The following TRERF1 variants were observed in gnomAD, a reference collection of about 807,000 sequenced individuals.
TRERF1 encodes transcriptional regulating factor 1, also known as transcriptional-regulating factor 1.
In TRERF1, 27 loss-of-function variants were observed where a neutral mutation model predicts 122.9. The ratio of observed to expected loss-of-function variants is 0.22; its 90% CI spans 0.16 to 0.30. The LOEUF is 0.30. TRERF1 is among the 10% of genes least tolerant of loss of function. TRERF1 has a pLI of 1.00. For synonymous variants in TRERF1, 636 were observed against 641.7 expected, an observed-to-expected ratio of 0.99 and a Z score of 0.13; for missense variants, 1,248 against 1,560.3, an observed-to-expected ratio of 0.80 and a Z score of 3.37.
chr6:42,257,011 C>T, exon 11 of TRERF1: 2 of 1,614,208 alleles, frequency 1.2e-6, no homozygotes, highest in Non-Finnish European at 1.7e-6. Context: ...GGCTTCCATA[C>T]CAGTGTGGCC....
At chr6:42,346,957 T>G (rs377311459) in intron 3 of TRERF1, among the ~76,000 whole-genome samples, 1 of 152,190 alleles carries the variant, frequency 6.6e-6, no homozygotes, top group Non-Finnish European at 1.5e-5. Context: ...ATCTCAACCA[T>G]GGAGGTTTCC....
At chr6:42,278,591 C>T (rs1781718062) in intron 4 of TRERF1, among the ~76,000 whole-genome samples, 1 of 152,204 alleles carries the variant, frequency 6.6e-6, no homozygotes, top group Non-Finnish European at 1.5e-5. Context: ...ACCACTCCAG[C>T]TTGCCTGGCT....
intron 3 of TRERF1, among the ~76,000 whole-genome samples, chr6:42,356,874 T>C (rs1200678756): frequency 1.3e-5 from 2 of 151,990 alleles, no homozygotes; most frequent in Non-Finnish European, 2.9e-5. Flanking sequence ...GCCCGGCCCA[T>C]AAATTTCTAT....
At chr6:42,313,065 T>G (rs1234988459) in intron 3 of TRERF1, among the ~76,000 whole-genome samples, 1 of 152,060 alleles carries the variant, frequency 6.6e-6, no homozygotes, top group Non-Finnish European at 1.5e-5. Flanking sequence ...GAAAAGATGG[T>G]GAGAGAAAGG....
chr6:42,359,754 C>A (rs557543892), intron 3 of TRERF1, among the ~76,000 whole-genome samples: 20 of 152,154 alleles, frequency 1.3e-4, no homozygotes, highest in East Asian at 9.7e-4. Context: ...ACAAAAAAAA[C>A]CCCAAAAATC....
intron 2 of TRERF1, among the ~76,000 whole-genome samples, chr6:42,378,960 T>TA (rs1775402282): frequency 6.6e-6 from 1 of 151,102 alleles, no homozygotes; most frequent in South Asian, 2.1e-4. Flanking sequence ...TACTAAAAAT[T>TA]TAAAAAAAAA....
At chr6:42,333,847 C>T (rs531340029) in intron 3 of TRERF1, among the ~76,000 whole-genome samples, 3 of 152,264 alleles carry the variant, frequency 2.0e-5, no homozygotes, top group South Asian at 2.1e-4. Flanking sequence ...AGGGCAGTGA[C>T]GAATCCCAAC....
At chr6:42,235,661 G>C (rs1463255262) in intron 16 of TRERF1, among the ~76,000 whole-genome samples, 2 of 152,102 alleles carry the variant, frequency 1.3e-5, no homozygotes, top group South Asian at 2.1e-4. Context: ...AGAGTACAAA[G>C]ATAAACTTTA....
chr6:42,375,934 A>C (rs927448544), intron 2 of TRERF1, among the ~76,000 whole-genome samples: 1 of 152,126 alleles, frequency 6.6e-6, no homozygotes, highest in Non-Finnish European at 1.5e-5. Context: ...CAAGCACATT[A>C]AACAGAAGAA....
chr6:42,396,335 C>A (rs946203797), intron 2 of TRERF1, among the ~76,000 whole-genome samples: 1 of 152,082 alleles, frequency 6.6e-6, no homozygotes, highest in African/African-American at 2.4e-5. Context: ...GGGCCCCCAC[C>A]CCTCCTCCCA....
At position 42,269,180 on chromosome 6, in the gene TRERF1, G is replaced by T. The variant is rs368963810; in HGVS notation, c.411C>A (p.Ser137Arg). The T allele has an allele frequency of 3.7e-6, 6 of 1,614,238 alleles. No individual in the cohort carries two copies. Among genetic ancestry groups the T allele is most frequent in the Non-Finnish European group, 4.2e-6 (5 of 1,180,038 alleles). The change falls in exon 5 of 18, where the codon AGC becomes AGA. Residue 137 changes from serine (S) to arginine (R), a missense_variant. Ser to Arg is a moderately radical substitution (Grantham distance 110). This residue lies in a region of TRERF1 where 946 missense variants were observed against 1,073.0 expected (regional missense o/e 0.88). Transcript: ENST00000372922. The surrounding 1 kb of genome is among the most constrained non-coding windows in gnomAD (Gnocchi z 4.9). ...AAGAGTCCAGCTTGTGTAAGACACC[G>T]CTGGTAAGCTTCTGGGTCCGGATCT...
At chr6:42,295,073 G>A (rs939224276) in intron 4 of TRERF1, among the ~76,000 whole-genome samples, 1 of 152,140 alleles carries the variant, frequency 6.6e-6, no homozygotes, top group African/African-American at 2.4e-5. Context: ...TTGGCCACTC[G>A]GCTGGGCTGG....
At chr6:42,430,253 T>A (rs550987951) in intron 2 of TRERF1, among the ~76,000 whole-genome samples, 4 of 152,110 alleles carry the variant, frequency 2.6e-5, no homozygotes, top group Non-Finnish European at 4.4e-5. Context: ...TAATCTCCCT[T>A]GATATCATTT....
chr6:42,395,031 G>A (rs1205611942), intron 2 of TRERF1, among the ~76,000 whole-genome samples: 6 of 152,198 alleles, frequency 3.9e-5, no homozygotes, highest in East Asian at 1.9e-4. Flanking sequence ...CTGTAACACC[G>A]GCACTTGTTC....
In TRERF1 at chr6:42,269,735, G is replaced by A. The variant is rs920071676; in HGVS notation, c.-145C>T. ...TGACATGTCTGTGAACGTGGCTGGA[G>A]CCAGGTGTTCCTGTTGGCCTGTACC... On this transcript the variant is annotated 5_prime_UTR_variant, in exon 5 of 18. Coordinates refer to ENST00000372922, the Ensembl canonical transcript of TRERF1. This position sits in a 1 kb window ranked among gnomAD's most constrained non-coding sequence, Gnocchi z 4.9. The A allele has an allele frequency of 6.9e-6, 10 of 1,449,082 alleles. No individual in the cohort carries two copies. The African/African-American group carries it at 1.3e-4, about 19-fold the overall frequency. The allele number at this position is 1,449,082 out of a possible 1,614,324, so 89.8% of individuals were successfully genotyped here. A position where few individuals can be genotyped will look rare whatever the true frequency, so the allele number is the denominator to read the frequency against.
chr6:42,413,100 C>T (rs1204399817), intron 2 of TRERF1, among the ~76,000 whole-genome samples: 1 of 152,166 alleles, frequency 6.6e-6, no homozygotes, highest in Non-Finnish European at 1.5e-5. Context: ...CCCTCTCGGA[C>T]CATCTAGAAA....
At chr6:42,295,657 T>G (rs1261107817) in intron 4 of TRERF1, among the ~76,000 whole-genome samples, 1 of 152,182 alleles carries the variant, frequency 6.6e-6, no homozygotes, top group East Asian at 1.9e-4. Flanking sequence ...TTTTCCCTCT[T>G]GGATATCCAC....
intron 4 of TRERF1, among the ~76,000 whole-genome samples, chr6:42,299,798 G>T (rs1353537864): frequency 6.6e-6 from 1 of 152,184 alleles, no homozygotes; most frequent in Non-Finnish European, 1.5e-5. Flanking sequence ...AAAAGACAGA[G>T]ACCCTGTCTT....
At chr6:42,349,973 T>C (rs1394621107) in intron 3 of TRERF1, among the ~76,000 whole-genome samples, 3 of 152,218 alleles carry the variant, frequency 2.0e-5, no homozygotes, top group Non-Finnish European at 4.4e-5. Context: ...GCAGTATTTG[T>C]GTTTTAGAGG....
Sources: gnomAD v4.1 joint callset for allele counts (sites outside exome capture counted in the v4.1 genomes callset) on GRCh38, gnomAD v4.1.1 for gene constraint, gnomAD v4.1.1 regional missense constraint, Gnocchi (gnomAD v3.1) non-coding constraint, MANE v1.5 for transcripts, NCBI Gene and HGNC (gene_info 2026-07-23, HGNC 2026-07-21) for gene names.